The following MYO1F variants were observed in gnomAD, a reference collection of about 807,000 sequenced individuals.
MYO1F encodes unconventional myosin-If.
A neutral mutation model predicts 146.6 loss-of-function variants in MYO1F; 60 were observed. The observed-to-expected ratio is 0.41, with a 90% CI of 0.33 to 0.51. The LOEUF (loss-of-function observed/expected upper bound fraction) is 0.51, where lower values mean the gene tolerates loss of function less well. MYO1F is among the 20% of genes least tolerant of loss of function. The probability of loss-of-function intolerance (pLI) is 0.25; values close to 1 mark genes in which losing one functional copy is unlikely to be tolerated. For synonymous variants in MYO1F, 602 were observed against 602.1 expected (o/e 1.00, Z 0.00); for missense variants, 1,274 against 1,534.3 (o/e 0.83, Z 2.83).
At chr19:8,548,200 G>A (rs779605352) in intron 11 of MYO1F, 37 bp downstream of exon 11, 1 of 1,613,628 alleles carries the variant, frequency 6.2e-7, no homozygotes, top group Non-Finnish European at 8.5e-7. Context: ...GCTGCCCCAG[G>A]GAGGACAGGA....
intron 1 of MYO1F, among the ~76,000 whole-genome samples, chr19:8,557,715 C>T (rs1438650223): frequency 1.3e-5 from 2 of 152,186 alleles, no homozygotes; most frequent in Non-Finnish European, 2.9e-5. Context: ...TGGGGTTCTG[C>T]AGGCTGTAGG....
chr19:8,574,581 C>T (rs10422512), intron 1 of MYO1F, among the ~76,000 whole-genome samples: 8,687 of 94,870 alleles, frequency 0.092, 378 homozygotes, highest in African/African-American at 0.13. Flanking sequence ...CTTTCTTTCT[C>T]TCTCTCTCTC....
chr19:8,544,119 G>A, intron 14 of MYO1F, 178 bp downstream of exon 14: 2 of 710,958 alleles, frequency 2.8e-6, no homozygotes, highest in Non-Finnish European at 4.8e-6. Context: ...CAGCCGGAAG[G>A]GTCTGTAGTT....
chr19:8,555,914 T>G, intron 1 of MYO1F, 118 bp from the exon 2 acceptor site: 1 of 1,071,766 alleles, frequency 9.3e-7, no homozygotes, highest in Non-Finnish European at 1.3e-6. Flanking sequence ...CCATTCCTCC[T>G]TCCCCATCTC....
At chr19:8,562,902 G>A (rs528592601) in intron 1 of MYO1F, among the ~76,000 whole-genome samples, 105 of 152,242 alleles carry the variant, frequency 6.9e-4, no homozygotes, top group African/African-American at 2.2e-3. Flanking sequence ...ATGACCTGTA[G>A]GTGGGACTGT....
chr19:8,527,003 A>T, intron 22 of MYO1F, 68 bp from the exon 23 acceptor site: 1 of 1,583,880 alleles, frequency 6.3e-7, no homozygotes, highest in Non-Finnish European at 8.6e-7. Context: ...GAGACAGATG[A>T]AGGTGGCTGA....
At chr19:8,541,128 C>T (rs1303644159) in intron 15 of MYO1F, among the ~76,000 whole-genome samples, 1 of 151,978 alleles carries the variant, frequency 6.6e-6, no homozygotes, top group Non-Finnish European at 1.5e-5. Context: ...GGACTATAGG[C>T]ATGTGCCACC....
At chr19:8,527,547 A>G in intron 21 of MYO1F, 64 bp from the exon 22 acceptor site, 1 of 1,593,638 alleles carries the variant, frequency 6.3e-7, no homozygotes, top group Non-Finnish European at 8.6e-7. Context: ...CAGAGGATCC[A>G]CCCCAGGCAG....
Position 8,530,232 on chromosome 19 carries a change from G to A in MYO1F, c.2292C>T (p.Phe764=), listed in dbSNP as rs955465789. Reference sequence around the variant, plus strand: ...GGTCGTACTTGGTGACCGAATCGGCGAAGTCCACCCGCTCCCTCTTGCCCA... The same window carrying A: ...GGTCGTACTTGGTGACCGAATCGGCAAAGTCCACCCGCTCCCTCTTGCCCA... ...QFLGKRERVD[F]ADSVTKYDRR... The change falls in exon 21 of 28, where the codon TTC becomes TTT. Residue 764 remains phenylalanine, a synonymous_variant. Transcript: ENST00000644032. The surrounding 1 kb of genome is among the most constrained non-coding windows in gnomAD (Gnocchi z 5.8). 14 of 1,614,046 alleles carry A rather than the reference G, an allele frequency of 8.7e-6. No individual in the cohort carries two copies. Among genetic ancestry groups the A allele is most frequent in the African/African-American group, 2.7e-5 (2 of 75,012 alleles).
chr19:8,553,332 C>A lies in MYO1F; in HGVS notation c.414+18G>T, dbSNP rs1973694915. On this transcript the variant is annotated intron_variant, in intron 5 of 27. Transcript: ENST00000644032. ...GGTGAGGGCGACCCAGCTTATCCTT[C>A]TGTTTTCCTCGTCTCACCTGGACCT... The A allele has an allele frequency of 6.2e-7, 1 of 1,613,730 alleles. No homozygotes were observed. Among genetic ancestry groups the A allele is most frequent in the African/African-American group, 1.3e-5 (1 of 74,998 alleles).
chr19:8,554,379 G>T, intron 4 of MYO1F, 98 bp downstream of exon 4: 1 of 968,516 alleles, frequency 1.0e-6, no homozygotes, highest in Non-Finnish European at 1.7e-6. Context: ...GCAGGGCAAT[G>T]TTCAGATTGG....
intron 21 of MYO1F, 102 bp from the exon 22 acceptor site, chr19:8,527,585 G>T: frequency 6.9e-7 from 1 of 1,441,518 alleles, no homozygotes. Context: ...GTCAGGTGAG[G>T]AAGGTGGGAG....
chr19:8,536,938 G>T lies in MYO1F; in HGVS notation c.1799+11C>A, dbSNP rs762068979. 14 of 1,412,772 alleles carry T rather than the reference G, an allele frequency of 9.9e-6. No homozygotes were observed. Among genetic ancestry groups the T allele is most frequent in the South Asian group, 2.3e-5 (2 of 88,178 alleles). The allele number at this position is 1,412,772 out of a possible 1,614,324, so 87.5% of individuals were successfully genotyped here. A position where few individuals can be genotyped will look rare whatever the true frequency, so the allele number is the denominator to read the frequency against. ...GGGGGAATGAATCTTGGATTGGTTG[G>T]GGGGGATCACCTGTTCTCCTCCCAG... is the stretch of plus-strand genomic sequence containing the variant. On this transcript the variant is annotated intron_variant, in intron 17 of 27. Transcript: ENST00000644032.
intron 4 of MYO1F, among the ~76,000 whole-genome samples, chr19:8,553,894 A>T (rs2967768): frequency 0.41 from 42,387 of 102,416 alleles, 9,274 homozygotes; most frequent in East Asian, 0.59. Flanking sequence ...ACACACACAC[A>T]CTCTCTCTCT....
chr19:8,576,951 A>T, intron 1 of MYO1F: 2 of 452,794 alleles, frequency 4.4e-6, no homozygotes, highest in Admixed American at 3.6e-5. Flanking sequence ...ACACAGGGAG[A>T]CGAGAGACTG....
At chr19:8,555,608 A>G (rs1411515956) in intron 2 of MYO1F, 51 bp downstream of exon 2, 1 of 1,612,524 alleles carries the variant, frequency 6.2e-7, no homozygotes, top group East Asian at 2.2e-5. Flanking sequence ...TCCATGGCCC[A>G]GCCATTCATT....
At position 8,544,461 on chromosome 19, in the gene MYO1F, G is replaced by T; in HGVS notation, c.1360C>A (p.Pro454Thr). The change falls in exon 14 of 28, where the codon CCC (proline) becomes ACC (threonine). Residue 454 changes from proline (P) to threonine (T), a missense_variant. Coordinates refer to ENST00000644032, the MANE Select transcript of MYO1F (RefSeq NM_012335.4). ...VCDLIENKLSPPGIMSVLDDV... is the reference protein window; with the variant it reads ...VCDLIENKLSTPGIMSVLDDV... ...TCCAAGACGCTCATGATGCCTGGGG[G>T]GCTCTGCGGGGCGAGCGGGAGCCAG... is the stretch of plus-strand genomic sequence containing the variant. 6.2e-7 allele frequency: 1 copy of T among 1,608,348 alleles called. No individual in the cohort carries two copies.
intron 19 of MYO1F, among the ~76,000 whole-genome samples, chr19:8,531,704 G>A (rs1972493644): frequency 6.6e-6 from 1 of 152,188 alleles, no homozygotes; most frequent in Admixed American, 6.5e-5. Context: ...TGCAAGAAAC[G>A]GTATGATGTC....
At chr19:8,555,475 G>C in intron 2 of MYO1F, 184 bp downstream of exon 2, 1 of 702,186 alleles carries the variant, frequency 1.4e-6, no homozygotes, top group Non-Finnish European at 2.4e-6. Flanking sequence ...CCAGGACAGA[G>C]GGAGCAGTGG....
Sources: gnomAD v4.1 joint callset for allele counts (sites outside exome capture counted in the v4.1 genomes callset) on GRCh38, gnomAD v4.1.1 for gene constraint, Gnocchi (gnomAD v3.1) non-coding constraint, MANE v1.5 for transcripts, NCBI Gene and HGNC (gene_info 2026-07-23, HGNC 2026-07-21) for gene names.